SORCS2: variants seen among roughly 807,000 people sequenced by gnomAD.
SORCS2 encodes sortilin related VPS10 domain containing receptor 2, also known as VPS10 domain-containing receptor SorCS2.
In SORCS2, 100 loss-of-function variants were observed where a neutral mutation model predicts 141.6. The ratio of observed to expected loss-of-function variants is 0.71; its 90% CI spans 0.60 to 0.83. The LOEUF is 0.83. Among genes scored for constraint, SORCS2 ranks in the 40% least tolerant of loss-of-function variants. The probability of loss-of-function intolerance (pLI) is 0.00; values close to 1 mark genes in which losing one functional copy is unlikely to be tolerated. For missense variants in SORCS2, 1,646 were observed against 1,560.2 expected (o/e 1.05, Z -0.93); for synonymous variants, 789 against 676.9 (o/e 1.17, Z -2.57).
intron 23 of SORCS2, among the ~76,000 whole-genome samples, chr4:7,730,348 C>T (rs1004972385): frequency 2.0e-5 from 3 of 152,174 alleles, no homozygotes; most frequent in Non-Finnish European, 2.9e-5. Context: ...CTGTGCAAAA[C>T]GGGCTGGAAA....
intron 1 of SORCS2, among the ~76,000 whole-genome samples, chr4:7,336,348 T>G (rs1577414449): frequency 6.6e-6 from 1 of 152,284 alleles, no homozygotes; most frequent in East Asian, 1.9e-4. Flanking sequence ...GCTCTGAGAC[T>G]GCGACTGCTG....
intron 1 of SORCS2, among the ~76,000 whole-genome samples, chr4:7,337,795 C>A (rs1210281693): frequency 1.3e-5 from 2 of 152,224 alleles, no homozygotes; most frequent in African/African-American, 2.4e-5. Context: ...CACCTGTGAG[C>A]CGGCCCTGTG....
chr4:7,430,131 A>G (rs550161328), intron 2 of SORCS2, among the ~76,000 whole-genome samples: 78 of 152,228 alleles, frequency 5.1e-4, no homozygotes, highest in Non-Finnish European at 1.5e-4. Flanking sequence ...GGGAGCGTGG[A>G]CAGCATGGGC....
At chr4:7,609,369 T>C (rs1003418620) in intron 3 of SORCS2, among the ~76,000 whole-genome samples, 1 of 152,220 alleles carries the variant, frequency 6.6e-6, no homozygotes, top group Admixed American at 6.5e-5. Flanking sequence ...CGTGCTTACC[T>C]GGAGGCACTG....
chr4:7,377,320 A>C (rs943879796), intron 1 of SORCS2, among the ~76,000 whole-genome samples: 6 of 150,274 alleles, frequency 4.0e-5, no homozygotes, highest in African/African-American at 1.5e-4. Context: ...GTTGACAAGC[A>C]GATGTGTTTG....
rs4689080 is a variant in SORCS2, at chr4:7,195,341, C to T, written c.480+2215C>T. 2.7e-3 allele frequency among the ~76,000 whole-genome samples: 408 copies of T among 152,264 alleles called. 5 individuals are homozygous for T. The highest frequency in any genetic ancestry group is 0.019 in the East Asian group (96 of 5,180). ...GGGGCAGGGGTGAGGTGTGGCACAC[C>T]GGGCATAGCCTGACACTTAGCAAAC... On this transcript the variant is annotated intron_variant, in intron 1 of 26. Transcript: ENST00000507866.
chr4:7,700,937 G>A (rs185168365), intron 12 of SORCS2, among the ~76,000 whole-genome samples: 1 of 152,354 alleles, frequency 6.6e-6, no homozygotes, highest in East Asian at 1.9e-4. Context: ...GCAAGTCACT[G>A]TGTCTCTGAG....
chr4:7,473,238 C>G (rs114420646), intron 2 of SORCS2, among the ~76,000 whole-genome samples: 371 of 152,264 alleles, frequency 2.4e-3, no homozygotes, highest in African/African-American at 8.6e-3. Context: ...TGTAAGGGCT[C>G]GGGCTGCAGC....
intron 1 of SORCS2, among the ~76,000 whole-genome samples, chr4:7,246,485 C>T (rs12641225): frequency 0.66 from 95,036 of 144,736 alleles, 31,594 homozygotes; most frequent in East Asian, 0.82. Context: ...ACACGTCTCA[C>T]CTGGGGCTTA....
intron 1 of SORCS2, chr4:7,310,571 T>G (rs1469683329): frequency 6.5e-6 from 1 of 154,234 alleles, no homozygotes; most frequent in Non-Finnish European, 1.5e-5. Flanking sequence ...AGTTGCCCCA[T>G]GAGGCCCCCT....
intron 1 of SORCS2, among the ~76,000 whole-genome samples, chr4:7,268,293 C>T (rs990561953): frequency 6.6e-6 from 1 of 152,128 alleles, no homozygotes; most frequent in African/African-American, 2.4e-5. Context: ...AGGATGCTTC[C>T]TTGAGTTTTT....
chr4:7,310,222 A>G (rs1192963031), intron 1 of SORCS2, among the ~76,000 whole-genome samples: 2 of 152,146 alleles, frequency 1.3e-5, no homozygotes, highest in East Asian at 1.9e-4. Flanking sequence ...GTGTCATCAC[A>G]TTTAATCTCC....
intron 3 of SORCS2, among the ~76,000 whole-genome samples, chr4:7,620,799 T>A (rs1424478162): frequency 1.3e-5 from 2 of 152,134 alleles, no homozygotes; most frequent in Admixed American, 6.5e-5. Context: ...GTGAAGGCGC[T>A]GAGGGTCTCA....
chr4:7,454,420 C>A (rs1402447924), intron 2 of SORCS2, among the ~76,000 whole-genome samples: 1 of 138,898 alleles, frequency 7.2e-6, no homozygotes, highest in Non-Finnish European at 1.5e-5. Context: ...GTGTTGGGGT[C>A]AGGCTCCGTG....
chr4:7,701,318 T>C lies in SORCS2; in HGVS notation c.1669-1962T>C, dbSNP rs538373187. Among the ~76,000 whole-genome samples, 6 of 152,192 alleles carry C rather than the reference T, an allele frequency of 3.9e-5. No individual in the cohort carries two copies. The East Asian group carries it at 9.7e-4, about 25-fold the overall frequency. ...AGGGAAGGTTTTGGGACATAGCTGC[T>C]CACCCTCCATCATTTTTCATAAGGA... is the stretch of plus-strand genomic sequence containing the variant. On this transcript the variant is annotated intron_variant, in intron 12 of 26. Coordinates refer to ENST00000507866, the MANE Select transcript of SORCS2 (RefSeq NM_020777.3).
At chr4:7,366,537 A>C (rs1287778206) in intron 1 of SORCS2, among the ~76,000 whole-genome samples, 2 of 65,846 alleles carry the variant, frequency 3.0e-5, no homozygotes, top group African/African-American at 5.5e-5. Flanking sequence ...CCTTCCCTCC[A>C]GCCTCACCCC....
At chr4:7,577,616 C>T (rs1395739746) in intron 3 of SORCS2, among the ~76,000 whole-genome samples, 31 of 117,496 alleles carry the variant, frequency 2.6e-4, no homozygotes, top group South Asian at 1.2e-3. Flanking sequence ...TTGGAGAAGT[C>T]ATATAGCATA....
intron 15 of SORCS2, 147 bp from the exon 16 acceptor site, chr4:7,714,093 T>TTATG: frequency 8.5e-7 from 1 of 1,183,142 alleles, no homozygotes; most frequent in South Asian, 1.6e-5. Flanking sequence ...ACTGCAGACA[T>TTATG]GTCACGCCCC....
chr4:7,229,807 G>C (rs1368412741), intron 1 of SORCS2, among the ~76,000 whole-genome samples: 2 of 151,636 alleles, frequency 1.3e-5, no homozygotes, highest in Non-Finnish European at 2.9e-5. Flanking sequence ...CAGTGTCTGG[G>C]CAGGAGCAGT....
Sources: allele counts gnomAD v4.1 joint callset (sites outside exome capture counted in the v4.1 genomes callset), GRCh38; gene constraint gnomAD v4.1.1; transcripts MANE v1.5; gene names NCBI Gene and HGNC (gene_info 2026-07-23, HGNC 2026-07-21).